PAFAH1B1: variants seen among roughly 807,000 people sequenced by gnomAD.
The protein encoded by PAFAH1B1 is platelet-activating factor acetylhydrolase IB subunit beta.
In PAFAH1B1, 2 loss-of-function variants were observed where a neutral mutation model predicts 57.5. That is an observed-to-expected ratio of 0.03 (90% CI 0.01 to 0.11). The LOEUF (loss-of-function observed/expected upper bound fraction) is 0.11, where lower values mean the gene tolerates loss of function less well. PAFAH1B1 is among the 10% of genes least tolerant of loss of function. The probability of loss-of-function intolerance (pLI) is 1.00; values close to 1 mark genes in which losing one functional copy is unlikely to be tolerated. For missense variants in PAFAH1B1, 257 were observed against 512.0 expected, an observed-to-expected ratio of 0.50 and a Z score of 4.81; for synonymous variants, 152 against 169.6, an observed-to-expected ratio of 0.90 and a Z score of 0.81.
chr17:2,646,995 GC>G (rs2068777558), intron 2 of PAFAH1B1, among the ~76,000 whole-genome samples: 1 of 151,794 alleles, frequency 6.6e-6, no homozygotes, highest in African/African-American at 2.4e-5. Context: ...ACTCAGAGAG[GC>G]CGAGGTGGGT....
At chr17:2,652,173 G>C (rs1239205757) in intron 2 of PAFAH1B1, among the ~76,000 whole-genome samples, 1 of 151,992 alleles carries the variant, frequency 6.6e-6, no homozygotes, top group African/African-American at 2.4e-5. Context: ...CACTTTGGGA[G>C]GCCAAGGCGG....
chr17:2,650,290 TC>T (rs1328377805), intron 2 of PAFAH1B1, among the ~76,000 whole-genome samples: 3 of 148,814 alleles, frequency 2.0e-5, no homozygotes, highest in Non-Finnish European at 2.9e-5. Context: ...GGCGGGTGGA[TC>T]ACTTGAGGTC....
intron 1 of PAFAH1B1, among the ~76,000 whole-genome samples, chr17:2,631,243 A>C (rs1262056117): frequency 6.9e-6 from 1 of 145,738 alleles, no homozygotes; most frequent in Non-Finnish European, 1.5e-5. Context: ...GCTCTGTCTC[A>C]AAAAAAAAAA....
chr17:2,662,521 A>G (rs1476726851), intron 2 of PAFAH1B1, among the ~76,000 whole-genome samples: 1 of 151,158 alleles, frequency 6.6e-6, no homozygotes, highest in African/African-American at 2.4e-5. Context: ...CTCCTGCCTC[A>G]GCCTCCCAAG....
chr17:2,595,408 A>C (rs1597503817), intron 1 of PAFAH1B1, among the ~76,000 whole-genome samples: 2 of 144,362 alleles, frequency 1.4e-5, no homozygotes, highest in South Asian at 2.2e-4. Flanking sequence ...CCTTTTTGCC[A>C]CAGGAGTGTT....
At chr17:2,629,071 TTTTG>T (rs1435969869) in intron 1 of PAFAH1B1, among the ~76,000 whole-genome samples, 1 of 152,176 alleles carries the variant, frequency 6.6e-6, no homozygotes, top group Non-Finnish European at 1.5e-5. Context: ...TACTGTGTTT[TTTTG>T]TTTGTTTGTT....
At chr17:2,616,519 T>C (rs2068342810) in intron 1 of PAFAH1B1, among the ~76,000 whole-genome samples, 1 of 152,182 alleles carries the variant, frequency 6.6e-6, no homozygotes, top group African/African-American at 2.4e-5. Flanking sequence ...ACTTGGGAAA[T>C]CAGTCTTTTC....
At chr17:2,628,080 G>T (rs2068513826) in intron 1 of PAFAH1B1, among the ~76,000 whole-genome samples, 1 of 152,114 alleles carries the variant, frequency 6.6e-6, no homozygotes, top group African/African-American at 2.4e-5. Flanking sequence ...TCTTTCTCTT[G>T]TCTGATTGCT....
chr17:2,626,294 G>A (rs12943652), intron 1 of PAFAH1B1, among the ~76,000 whole-genome samples: 42,971 of 151,706 alleles, frequency 0.28, 6,235 homozygotes, highest in Middle Eastern at 0.35. Context: ...GGTATTTTGC[G>A]ATTATGTGTT....
rs543182406 is a variant in PAFAH1B1 at position 2,619,835 on chromosome 17, C to T, written c.-190-18264C>T. On this transcript the variant is annotated intron_variant, in intron 1 of 10. Coordinates refer to ENST00000397195, the MANE Select transcript of PAFAH1B1 (RefSeq NM_000430.4). The stretch of plus-strand genomic sequence containing the variant: ...CCCTCTTTCACCCATGCTGGAGTAC[C>T]GTGGTTTGATCGTAGCTCACTGTAA... 3.3e-5 allele frequency among the ~76,000 whole-genome samples: 5 copies of T among 152,184 alleles called. No individual in the cohort carries two copies. In the South Asian group the frequency reaches 1.0e-3, roughly 32 times the overall value.
intron 2 of PAFAH1B1, among the ~76,000 whole-genome samples, chr17:2,644,721 A>C (rs1210764565): frequency 6.6e-6 from 1 of 152,014 alleles, no homozygotes; most frequent in African/African-American, 2.4e-5. Context: ...TATTATTTGG[A>C]GGTATATGTG....
intron 1 of PAFAH1B1, among the ~76,000 whole-genome samples, chr17:2,625,226 C>T (rs2068474222): frequency 6.6e-6 from 1 of 152,120 alleles, no homozygotes; most frequent in Non-Finnish European, 1.5e-5. Flanking sequence ...TCCTTGATAT[C>T]AGTCTAAGAA....
At chr17:2,609,965 C>T (rs1439070782) in intron 1 of PAFAH1B1, among the ~76,000 whole-genome samples, 16 of 152,198 alleles carry the variant, frequency 1.1e-4, no homozygotes, top group Middle Eastern at 3.2e-3. Context: ...GCTGGGATTA[C>T]GGGCGTGTGC....
chr17:2,606,199 A>G (rs764592425), intron 1 of PAFAH1B1, among the ~76,000 whole-genome samples: 1 of 152,148 alleles, frequency 6.6e-6, no homozygotes, highest in African/African-American at 2.4e-5. Context: ...CCAGATTGAT[A>G]TATGAATCTT....
chr17:2,619,871 C>T (rs2068395819), intron 1 of PAFAH1B1, among the ~76,000 whole-genome samples: 1 of 152,134 alleles, frequency 6.6e-6, no homozygotes, highest in Non-Finnish European at 1.5e-5. Context: ...CCTCAAATTC[C>T]TGGGCCCAGA....
At chr17:2,651,831 G>T (rs1221705300) in intron 2 of PAFAH1B1, among the ~76,000 whole-genome samples, 1 of 152,040 alleles carries the variant, frequency 6.6e-6, no homozygotes, top group East Asian at 1.9e-4. Context: ...TATAATTGAT[G>T]AGCCAACATT....
intron 2 of PAFAH1B1, among the ~76,000 whole-genome samples, chr17:2,664,662 A>ATCGCTCGC (rs1192789429): frequency 8.9e-5 from 8 of 90,296 alleles, no homozygotes; most frequent in African/African-American, 3.8e-4. Context: ...ATATCTATCT[A>ATCGCTCGC]TCGCTCTCTC....
At chr17:2,673,862 G>T in intron 7 of PAFAH1B1, 198 bp from the exon 8 acceptor site, 1 of 563,390 alleles carries the variant, frequency 1.8e-6, no homozygotes, top group Non-Finnish European at 3.2e-6. Flanking sequence ...TCTAGATGTT[G>T]ATTTTATTAG....
chr17:2,664,498 C>T (rs1057508801), intron 2 of PAFAH1B1, among the ~76,000 whole-genome samples: 15 of 151,886 alleles, frequency 9.9e-5, no homozygotes, highest in African/African-American at 3.6e-4. Context: ...CTCCGCCTCC[C>T]GGGTTCAAGC....
Sources: allele counts gnomAD v4.1 joint callset (sites outside exome capture counted in the v4.1 genomes callset), GRCh38; gene constraint gnomAD v4.1.1; transcripts MANE v1.5; gene names NCBI Gene and HGNC (gene_info 2026-07-23, HGNC 2026-07-21).